Variants in AK8 observed in about 807,000 individuals in gnomAD.
AK8 encodes the protein adenylate kinase 8.
A neutral mutation model predicts 54.6 loss-of-function variants in AK8; 44 were observed. That is an observed-to-expected ratio of 0.81 (90% CI 0.63 to 1.04). The LOEUF (loss-of-function observed/expected upper bound fraction) is 1.04, where lower values mean the gene tolerates loss of function less well. Ranked by LOEUF, AK8 falls within the 50% of genes least tolerant of loss-of-function variation. AK8 has a pLI of 0.00. For synonymous variants in AK8, 239 were observed against 245.6 expected, an observed-to-expected ratio of 0.97 and a Z score of 0.25; for missense variants, 555 against 613.6, an observed-to-expected ratio of 0.90 and a Z score of 1.01.
At chr9:132,726,030 C>A in intron 12 of AK8, 105 bp from the exon 13 acceptor site, 1 of 874,294 alleles carries the variant, frequency 1.1e-6, no homozygotes, top group East Asian at 2.5e-5. Context: ...TCCTGGCCAC[C>A]ACCACCATCA....
At chr9:132,830,903 ACT>A (rs1842077480) in intron 5 of AK8, among the ~76,000 whole-genome samples, 1 of 152,108 alleles carries the variant, frequency 6.6e-6, no homozygotes, top group African/African-American at 2.4e-5. Flanking sequence ...TTGTGTTTTT[ACT>A]CTTTACATGT....
chr9:132,830,163 A>G (rs1317802197), intron 5 of AK8, among the ~76,000 whole-genome samples: 1 of 152,226 alleles, frequency 6.6e-6, no homozygotes, highest in Non-Finnish European at 1.5e-5. Flanking sequence ...AAGTTTTCAC[A>G]GCTGCCTGGT....
intron 5 of AK8, among the ~76,000 whole-genome samples, chr9:132,853,783 C>CAAAAAAAAAAAAAAA (rs71376669): frequency 1.4e-4 from 6 of 42,600 alleles, no homozygotes; most frequent in East Asian, 7.7e-4. Flanking sequence ...GACTCTGCCT[C>CAAAAAAAAAAAAAAA]AAAAAAAAAA....
intron 11 of AK8, among the ~76,000 whole-genome samples, chr9:132,745,810 G>A (rs917827215): frequency 2.0e-5 from 3 of 152,118 alleles, no homozygotes; most frequent in East Asian, 1.9e-4. Context: ...TTGTCCATCC[G>A]TACAAGGTGG....
At chr9:132,812,947 A>C (rs78101940) in intron 10 of AK8, among the ~76,000 whole-genome samples, 147 of 71,408 alleles carry the variant, frequency 2.1e-3, no homozygotes, top group Middle Eastern at 7.1e-3. Context: ...CACTGCCCTG[A>C]GCCTACACAG....
intron 5 of AK8, among the ~76,000 whole-genome samples, chr9:132,842,285 G>C (rs1222354412): frequency 2.0e-5 from 3 of 152,054 alleles, no homozygotes; most frequent in Non-Finnish European, 4.4e-5. Context: ...ACAGAACTGG[G>C]GAATTATCCA....
chr9:132,797,508 A>G (rs1840230401), intron 10 of AK8, among the ~76,000 whole-genome samples: 1 of 152,180 alleles, frequency 6.6e-6, no homozygotes, highest in Non-Finnish European at 1.5e-5. Context: ...CCCACTCGTG[A>G]ATTAAATATG....
chr9:132,756,461 C>T (rs1378496144), intron 11 of AK8, among the ~76,000 whole-genome samples: 2 of 152,202 alleles, frequency 1.3e-5, no homozygotes, highest in African/African-American at 4.8e-5. Flanking sequence ...CTTAAGTGAT[C>T]ATTTGCATAC....
Position 132,863,733 on chromosome 9 carries a change from C to A in AK8, c.265G>T (p.Glu89Ter). The change falls in exon 4 of 13, where the codon GAG becomes TAG. Residue 89 changes from glutamate (E) to a stop codon, truncating the protein, a stop_gained. Coordinates refer to ENST00000298545, the MANE Select transcript of AK8 (RefSeq NM_152572.3). LOFTEE classifies it high-confidence loss of function. Reference protein sequence around the residue: ...KHLNSSLLTLENLILNEFSYT... With the variant: ...KHLNSSLLTL ...GAAAACTCATTTAAGATCAGGTTCT[C>A]CAGGGTGAGGAGACTGCTGTTCAGA... is the stretch of plus-strand genomic sequence containing the variant. The A allele has an allele frequency of 2.5e-6, 4 of 1,614,112 alleles. No individual in the cohort carries two copies. Among genetic ancestry groups the A allele is most frequent in the Non-Finnish European group, 3.4e-6 (4 of 1,180,018 alleles).
At chr9:132,762,936 T>G (rs895178678) in intron 11 of AK8, among the ~76,000 whole-genome samples, 2 of 152,130 alleles carry the variant, frequency 1.3e-5, no homozygotes, top group East Asian at 3.8e-4. Flanking sequence ...CTGCCCATCC[T>G]CCAGCCAGAG....
At chr9:132,821,509 T>C (rs1344363139) in intron 9 of AK8, among the ~76,000 whole-genome samples, 1 of 152,154 alleles carries the variant, frequency 6.6e-6, no homozygotes, top group Non-Finnish European at 1.5e-5. Flanking sequence ...TAATTTTCCA[T>C]AGTAATCAAA....
chr9:132,776,368 A>G (rs1013664090), intron 11 of AK8, among the ~76,000 whole-genome samples: 1 of 152,224 alleles, frequency 6.6e-6, no homozygotes, highest in African/African-American at 2.4e-5. Context: ...GCCTGGGCCA[A>G]ATTCCGCCCA....
At chr9:132,734,611 C>T (rs1837010428) in intron 11 of AK8, among the ~76,000 whole-genome samples, 1 of 152,084 alleles carries the variant, frequency 6.6e-6, no homozygotes, top group African/African-American at 2.4e-5. Context: ...GGTGGCGCAC[C>T]GATAGTTCTG....
At chr9:132,813,917 A>G (rs1841194208) in intron 10 of AK8, among the ~76,000 whole-genome samples, 1 of 152,214 alleles carries the variant, frequency 6.6e-6, no homozygotes. Flanking sequence ...GCTGTCTGAA[A>G]CTTCTGGCTT....
intron 5 of AK8, among the ~76,000 whole-genome samples, chr9:132,851,204 T>C (rs188458856): frequency 6.6e-6 from 1 of 152,320 alleles, no homozygotes; most frequent in African/African-American, 2.4e-5. Flanking sequence ...TTTCTCTGTT[T>C]TCTCACACTC....
At chr9:132,810,131 G>A (rs1840926962) in intron 10 of AK8, among the ~76,000 whole-genome samples, 2 of 152,172 alleles carry the variant, frequency 1.3e-5, no homozygotes, top group South Asian at 2.1e-4. Context: ...TTATCCCTGC[G>A]AGATCAGGAT....
At chr9:132,727,120 C>T (rs374854293) in intron 12 of AK8, among the ~76,000 whole-genome samples, 13 of 152,210 alleles carry the variant, frequency 8.5e-5, no homozygotes, top group African/African-American at 3.1e-4. Context: ...TGGGATGCAT[C>T]GTGGCTCAAG....
At chr9:132,818,019 G>A (rs768262323) in intron 9 of AK8, among the ~76,000 whole-genome samples, 4 of 152,210 alleles carry the variant, frequency 2.6e-5, no homozygotes, top group African/African-American at 9.6e-5. Flanking sequence ...TAACCTCTGA[G>A]ATTTCATCAG....
chr9:132,828,629 C>T lies in AK8; in HGVS notation c.484+16G>A, dbSNP rs1841979036. On this transcript the variant is annotated intron_variant, in intron 6 of 12. Coordinates refer to ENST00000298545, the MANE Select transcript of AK8 (RefSeq NM_152572.3). ...CTGCAGCTCTGGCAGGTGGGGGACC[C>T]TTGGGAGCTACTCACTGACGTGTCT... is the stretch of plus-strand genomic sequence containing the variant. The T allele has an allele frequency of 6.2e-7, 1 of 1,607,520 alleles. No individual in the cohort carries two copies. The highest frequency in any genetic ancestry group is 1.7e-5 in the Admixed American group (1 of 59,018).
Sources: allele counts gnomAD v4.1 joint callset (sites outside exome capture counted in the v4.1 genomes callset), GRCh38; gene constraint gnomAD v4.1.1; transcripts MANE v1.5; gene names NCBI Gene and HGNC (gene_info 2026-07-23, HGNC 2026-07-21).